MDGA2: variants seen among roughly 807,000 people sequenced by gnomAD.
The protein encoded by MDGA2 is MAM domain containing glycosylphosphatidylinositol anchor 2.
Under a neutral mutation model 117.8 loss-of-function variants are expected in MDGA2, and 40 were observed. The observed-to-expected ratio is 0.34, with a 90% CI of 0.26 to 0.44. The LOEUF is 0.44. Ranked by LOEUF, MDGA2 falls within the 20% of genes least tolerant of loss-of-function variation. The pLI, the probability that MDGA2 is intolerant of heterozygous loss-of-function variation, is 1.00. For synonymous variants in MDGA2, 452 were observed against 439.0 expected (o/e 1.03, Z -0.37); for missense variants, 1,123 against 1,250.6 (o/e 0.90, Z 1.54).
At position 47,416,555 on chromosome 14, in the gene MDGA2, C is replaced by G. The variant is rs542059323; in HGVS notation, c.281-115005G>C. Among the ~76,000 whole-genome samples the G allele has an allele frequency of 2.2e-4, 33 of 152,296 alleles. No individual in the cohort carries two copies. In the South Asian group the frequency reaches 6.4e-3, roughly 30 times the overall value. ...TGGTCCAGAGTCACAAAAGTGCCCA[C>G]ATCCCCATGACTCCACTAGGCACTG... On this transcript the variant is annotated intron_variant, in intron 1 of 16. Coordinates refer to ENST00000399232, the MANE Select transcript of MDGA2 (RefSeq NM_001113498.3).
At chr14:47,588,202 T>A (rs1896362331) in intron 1 of MDGA2, among the ~76,000 whole-genome samples, 1 of 148,572 alleles carries the variant, frequency 6.7e-6, no homozygotes, top group African/African-American at 2.5e-5. Context: ...AAATTTTGTG[T>A]AAAACTATAT....
chr14:47,177,160 A>T (rs61995378), intron 3 of MDGA2, among the ~76,000 whole-genome samples: 10 of 152,264 alleles, frequency 6.6e-5, no homozygotes, highest in Non-Finnish European at 1.3e-4. Context: ...AACAGGTGCT[A>T]GAGAGGATGT....
chr14:47,672,944 C>T (rs923459915), intron 1 of MDGA2, among the ~76,000 whole-genome samples: 4 of 152,156 alleles, frequency 2.6e-5, no homozygotes, highest in African/African-American at 4.8e-5. Context: ...CAGCATCTCT[C>T]TCATACACAC....
In MDGA2 at chr14:47,356,205, A is replaced by G. The variant is rs557446788; in HGVS notation, c.281-54655T>C. Reference sequence around the variant, plus strand: ...ACACACTTGTGAACCTGTCAGAGATATCAAATTGGTTTTCAGAAGAAAAGG... The same window carrying G: ...ACACACTTGTGAACCTGTCAGAGATGTCAAATTGGTTTTCAGAAGAAAAGG... On this transcript the variant is annotated intron_variant, in intron 1 of 16. Transcript: ENST00000399232. 6.6e-5 allele frequency among the ~76,000 whole-genome samples: 10 copies of G among 152,334 alleles called. No homozygotes were observed. The East Asian group carries it at 1.7e-3, about 26-fold the overall frequency.
At chr14:47,299,231 A>G (rs1026248620) in intron 2 of MDGA2, 3 of 152,204 alleles carry the variant, frequency 2.0e-5, no homozygotes, top group Non-Finnish European at 4.4e-5. Flanking sequence ...ATTGTGAATG[A>G]TAAAAAGGGA....
chr14:47,636,784 CAAAAAAAAAAA>C (rs56313968), intron 1 of MDGA2, among the ~76,000 whole-genome samples: 61 of 45,998 alleles, frequency 1.3e-3, no homozygotes, highest in East Asian at 3.9e-3. Flanking sequence ...GACTCCGTCT[CAAAAAAAAAAA>C]AAAAAAAAAA....
At chr14:46,887,678 C>T (rs758474220) in intron 10 of MDGA2, among the ~76,000 whole-genome samples, 16 of 151,732 alleles carry the variant, frequency 1.1e-4, no homozygotes, top group South Asian at 2.1e-4. Flanking sequence ...ATAGTTAATA[C>T]TAGGTATTAT....
At chr14:46,869,990 G>A (rs1286509381) in intron 14 of MDGA2, among the ~76,000 whole-genome samples, 1 of 151,944 alleles carries the variant, frequency 6.6e-6, no homozygotes, top group Admixed American at 6.6e-5. Flanking sequence ...AAATTATGGT[G>A]GAGTCCTTTT....
chr14:47,098,944 C>G (rs1194415393), intron 5 of MDGA2, among the ~76,000 whole-genome samples: 1 of 151,834 alleles, frequency 6.6e-6, no homozygotes. Context: ...AATTTCAAAG[C>G]TCAAAAAATA....
chr14:47,336,921 G>T (rs73251872), intron 1 of MDGA2, among the ~76,000 whole-genome samples: 1 of 151,840 alleles, frequency 6.6e-6, no homozygotes, highest in Non-Finnish European at 1.5e-5. Context: ...TTCAATGTAT[G>T]CTTAATAATT....
rs117604425 is a variant in MDGA2, at chr14:46,878,936, T to A, written c.2417-1427A>T. Among the ~76,000 whole-genome samples the A allele has an allele frequency of 9.8e-3, 1,486 of 152,212 alleles. 20 individuals are homozygous for A. The highest frequency in any genetic ancestry group is 0.046 in the South Asian group (222 of 4,828). On this transcript the variant is annotated intron_variant, in intron 11 of 16. Transcript: ENST00000399232. The stretch of plus-strand genomic sequence containing the variant: ...AACATTTAATTCACCAAATTCACTA[T>A]ACATAATGCAGTTAACTTTGTGAAA...
intron 8 of MDGA2, among the ~76,000 whole-genome samples, chr14:47,018,545 T>C (rs1179045025): frequency 1.3e-5 from 2 of 151,762 alleles, no homozygotes; most frequent in Non-Finnish European, 2.9e-5. Flanking sequence ...AGATTATGTC[T>C]AATAAATGAA....
At chr14:47,502,653 G>GT (rs982793100) in intron 1 of MDGA2, among the ~76,000 whole-genome samples, 1 of 151,952 alleles carries the variant, frequency 6.6e-6, no homozygotes, top group African/African-American at 2.4e-5. Context: ...TCCTTTGGGG[G>GT]TTTTTTTGTT....
chr14:47,263,500 T>C (rs1476185989), intron 2 of MDGA2, among the ~76,000 whole-genome samples: 1 of 152,164 alleles, frequency 6.6e-6, no homozygotes, highest in Non-Finnish European at 1.5e-5. Context: ...TACTAGTTTT[T>C]TAGTGTTTCA....
chr14:47,494,710 A>G (rs1217027322), intron 1 of MDGA2, among the ~76,000 whole-genome samples: 2 of 151,832 alleles, frequency 1.3e-5, no homozygotes, highest in Non-Finnish European at 2.9e-5. Context: ...ATATGGTGAG[A>G]GAGAGGGGTC....
At chr14:46,857,645 GTTTTA>G (rs998403889) in intron 14 of MDGA2, among the ~76,000 whole-genome samples, 43 of 151,904 alleles carry the variant, frequency 2.8e-4, no homozygotes, top group Middle Eastern at 6.8e-3. Context: ...TTTAAAATTT[GTTTTA>G]TTTTATCTTA....
At chr14:47,284,722 T>G (rs1048714233) in intron 2 of MDGA2, among the ~76,000 whole-genome samples, 6 of 152,100 alleles carry the variant, frequency 3.9e-5, no homozygotes, top group African/African-American at 1.4e-4. Flanking sequence ...TTTATGAACT[T>G]GTAAAATGAA....
intron 2 of MDGA2, among the ~76,000 whole-genome samples, chr14:47,245,218 G>A (rs1394902238): frequency 6.6e-6 from 1 of 151,704 alleles, no homozygotes; most frequent in Non-Finnish European, 1.5e-5. Context: ...GTAGAGATGA[G>A]GTGTCCCTGT....
intron 1 of MDGA2, among the ~76,000 whole-genome samples, chr14:47,507,950 T>C (rs924664436): frequency 2.0e-5 from 3 of 152,318 alleles, no homozygotes; most frequent in Non-Finnish European, 4.4e-5. Context: ...TCCTCATACA[T>C]GAATCCCACT....
Sources: gnomAD v4.1 joint callset for allele counts (sites outside exome capture counted in the v4.1 genomes callset) on GRCh38, gnomAD v4.1.1 for gene constraint, MANE v1.5 for transcripts, NCBI Gene and HGNC (gene_info 2026-07-23, HGNC 2026-07-21) for gene names.